The following TMEM45B variants were observed in gnomAD, a reference collection of about 807,000 sequenced individuals.
TMEM45B encodes the protein transmembrane protein 45B.
Under a neutral mutation model 27.3 loss-of-function variants are expected in TMEM45B, and 29 were observed. That is an observed-to-expected ratio of 1.06 (90% CI 0.79 to 1.45). The LOEUF is 1.45. TMEM45B is among the 40% of genes most tolerant of loss of function. The pLI is 0.00. For synonymous variants in TMEM45B, 143 were observed against 134.7 expected (o/e 1.06, Z -0.43); for missense variants, 348 against 343.9 (o/e 1.01, Z -0.09).
At chr11:129,828,546 C>T (rs1422421083) in intron 1 of TMEM45B, among the ~76,000 whole-genome samples, 1 of 152,188 alleles carries the variant, frequency 6.6e-6, no homozygotes, top group Admixed American at 6.5e-5. Context: ...CAACACAGAA[C>T]TCTCTGCTTC....
In TMEM45B at chr11:129,852,651, T is replaced by C. The variant is rs1565373023; in HGVS notation, c.169T>C (p.Ser57Pro). Reference protein sequence around the residue: ...IVEAAIRTLFSVTGILAEQFV... With the variant: ...IVEAAIRTLFPVTGILAEQFV... ...CGAAGCCGCAATTAGGACTTTGTTT[T>C]CCGTCACTGGTAAGAGCAGGGGTCA... The change falls in exon 2 of 6, where the codon TCC becomes CCC. Residue 57 changes from serine (S) to proline (P), a missense_variant. Coordinates refer to ENST00000281441, the MANE Select transcript of TMEM45B (RefSeq NM_138788.5). 6.2e-7 allele frequency: 1 copy of C among 1,605,032 alleles called. No individual in the cohort carries two copies. The highest frequency in any genetic ancestry group is 2.2e-5 in the East Asian group (1 of 44,536).
rs1809889575 is a variant in TMEM45B, at chr11:129,857,368, A to C, written c.626A>C (p.Asp209Ala). The C allele has an allele frequency of 1.2e-6, 2 of 1,614,066 alleles. No individual in the cohort carries two copies. Among genetic ancestry groups the C allele is most frequent in the African/African-American group, 1.3e-5 (1 of 74,924 alleles). The change falls in exon 5 of 6, where the codon GAT becomes GCT. Residue 209 changes from aspartate to alanine, a missense_variant. By Grantham distance (126) the Asp-to-Ala change is moderately radical. Transcript: ENST00000281441. ...ACACCCGAATGGGACCAGAAGGATG[A>C]TGCCAACCTCATGTTCATCACCATG... ...FGTPEWDQKD[D>A]ANLMFITMCF...
At chr11:129,836,495 G>A (rs1403674205) in intron 1 of TMEM45B, among the ~76,000 whole-genome samples, 2 of 152,160 alleles carry the variant, frequency 1.3e-5, no homozygotes, top group African/African-American at 4.8e-5. Context: ...TGGGCTGAGT[G>A]TGCTCTCTCC....
chr11:129,816,193 C>T (rs981321079), intron 1 of TMEM45B, among the ~76,000 whole-genome samples: 23 of 152,224 alleles, frequency 1.5e-4, no homozygotes, highest in African/African-American at 5.1e-4. Flanking sequence ...TCCGGCTGGC[C>T]GCGGCCCTGG....
intron 3 of TMEM45B, 112 bp from the exon 4 acceptor site, chr11:129,855,596 T>C (rs1421754295): frequency 1.0e-6 from 1 of 1,002,404 alleles, no homozygotes; most frequent in Non-Finnish European, 1.5e-6. Context: ...TGTAATGTTA[T>C]GTACTAACTG....
intron 1 of TMEM45B, among the ~76,000 whole-genome samples, chr11:129,828,563 A>G (rs1002947953): frequency 6.6e-6 from 1 of 152,198 alleles, no homozygotes; most frequent in Non-Finnish European, 1.5e-5. Flanking sequence ...CTTCCCCTGC[A>G]TTCTGTTACT....
chr11:129,818,725 C>G (rs1359469593), intron 1 of TMEM45B, among the ~76,000 whole-genome samples: 1 of 152,154 alleles, frequency 6.6e-6, no homozygotes, highest in Non-Finnish European at 1.5e-5. Context: ...GAAACTCTCT[C>G]GTTTGGTATA....
chr11:129,825,059 A>G (rs1424691355), intron 1 of TMEM45B, among the ~76,000 whole-genome samples: 1 of 152,204 alleles, frequency 6.6e-6, no homozygotes, highest in East Asian at 1.9e-4. Context: ...TAGCCAATGG[A>G]ACATTTTCCA....
At chr11:129,821,000 C>A (rs971578691) in intron 1 of TMEM45B, among the ~76,000 whole-genome samples, 4 of 152,082 alleles carry the variant, frequency 2.6e-5, no homozygotes, top group African/African-American at 4.8e-5. Context: ...CTTTACACCC[C>A]CACCCTCCCT....
At chr11:129,852,845 T>C (rs920412255) in intron 2 of TMEM45B, 185 bp downstream of exon 2, 1 of 504,174 alleles carries the variant, frequency 2.0e-6, no homozygotes, top group South Asian at 5.7e-5. Flanking sequence ...ATACTAACGG[T>C]TGACAGCTCT....
At position 129,859,982 on chromosome 11, in the gene TMEM45B, G is replaced by A. The variant is rs1013482645; in HGVS notation, c.*1297G>A. The A allele has an allele frequency of 4.6e-5, 7 of 152,576 alleles. No homozygotes were observed. The highest frequency in any genetic ancestry group is 1.7e-4 in the African/African-American group (7 of 41,418). The allele number at this position is 152,576 out of a possible 1,614,324, so 9.5% of individuals were successfully genotyped here. A position where few individuals can be genotyped will look rare whatever the true frequency, so the allele number is the denominator to read the frequency against. ...TTACATCCAGTGTGATGGGTGCTGA[G>A]AGGCAAGTACAAACCACGATGAGAA... On this transcript the variant is annotated 3_prime_UTR_variant, in exon 6 of 6. Coordinates refer to ENST00000281441, the MANE Select transcript of TMEM45B (RefSeq NM_138788.5).
intron 2 of TMEM45B, 120 bp from the exon 3 acceptor site, chr11:129,854,490 C>T (rs1947891698): frequency 1.1e-6 from 1 of 951,118 alleles, no homozygotes; most frequent in East Asian, 2.6e-5. Context: ...CTCTGCTGAC[C>T]CGCGGGCCAC....
In TMEM45B at chr11:129,837,696, C is replaced by T. The variant is rs560373779; in HGVS notation, c.-8-14779C>T. On this transcript the variant is annotated intron_variant, in intron 1 of 5. Transcript: ENST00000281441. ...TCCCAAGTAGCTGGGACTACAGGCA[C>T]GCACCACCACACCCAGCTAATTTTT... 1.1e-4 allele frequency among the ~76,000 whole-genome samples: 17 copies of T among 149,070 alleles called. No homozygotes were observed. The South Asian group carries it at 1.7e-3, about 15-fold the overall frequency.
chr11:129,840,241 A>C (rs1279388235), intron 1 of TMEM45B, among the ~76,000 whole-genome samples: 2 of 152,206 alleles, frequency 1.3e-5, no homozygotes, highest in African/African-American at 2.4e-5. Flanking sequence ...TCTATGAATC[A>C]TACATAAGTT....
Position 129,858,884 on chromosome 11 carries a change from CAT to C in TMEM45B, c.*201_*202del, listed in dbSNP as rs575189816. 3.6e-4 allele frequency: 150 copies of C among 421,186 alleles called. 1 individual carries two copies. The highest frequency in any genetic ancestry group is 2.7e-3 in the African/African-American group (134 of 49,388). 26.1% of individuals were successfully genotyped at this position (421,186 alleles called of 1,614,324 possible). A position where few individuals can be genotyped will look rare whatever the true frequency, so the allele number is the denominator to read the frequency against. ...GTATCTTGCAGTTGGGATTTTTAAACATACTATAAAGTCTGTGTTGGTATAGT... is the reference window on the plus strand; with the variant it reads ...GTATCTTGCAGTTGGGATTTTTAAACACTATAAAGTCTGTGTTGGTATAGT... On this transcript the variant is annotated 3_prime_UTR_variant, in exon 6 of 6. Transcript: ENST00000281441.
At chr11:129,820,579 G>T (rs1443464098) in intron 1 of TMEM45B, among the ~76,000 whole-genome samples, 1 of 152,184 alleles carries the variant, frequency 6.6e-6, no homozygotes, top group Non-Finnish European at 1.5e-5. Context: ...TCTGGGCTGG[G>T]TCTATAATTC....
intron 1 of TMEM45B, among the ~76,000 whole-genome samples, chr11:129,818,132 C>T (rs1947374437): frequency 6.6e-6 from 1 of 152,196 alleles, no homozygotes; most frequent in Non-Finnish European, 1.5e-5. Flanking sequence ...TCTTAAGCTT[C>T]TACTCTTTTA....
At chr11:129,824,995 A>G (rs1947461149) in intron 1 of TMEM45B, among the ~76,000 whole-genome samples, 1 of 152,174 alleles carries the variant, frequency 6.6e-6, no homozygotes, top group Non-Finnish European at 1.5e-5. Flanking sequence ...GAGAGGAGCC[A>G]CATTCAGGTA....
chr11:129,835,255 C>T lies in TMEM45B; in HGVS notation c.-8-17220C>T, dbSNP rs140978056. 8.1e-3 allele frequency among the ~76,000 whole-genome samples: 1,235 copies of T among 152,282 alleles called. 28 individuals are homozygous for T. The highest frequency in any genetic ancestry group is 0.027 in the African/African-American group (1,124 of 41,554). On this transcript the variant is annotated intron_variant, in intron 1 of 5. Transcript: ENST00000281441. Reference sequence around the variant, plus strand: ...GTGAAAGCACATTCTGGAGAAAAGACCAAGGGTGTGGCTGAACCCCTGTCT... The same window carrying T: ...GTGAAAGCACATTCTGGAGAAAAGATCAAGGGTGTGGCTGAACCCCTGTCT...
Sources: gnomAD v4.1 joint callset for allele counts (sites outside exome capture counted in the v4.1 genomes callset) on GRCh38, gnomAD v4.1.1 for gene constraint, MANE v1.5 for transcripts, NCBI Gene and HGNC (gene_info 2026-07-23, HGNC 2026-07-21) for gene names.